The following CLASP1 variants were observed in gnomAD, a reference collection of about 807,000 sequenced individuals.
CLASP1 encodes CLIP-associating protein 1.
CLASP1 carries 38 observed loss-of-function variants against 192.3 expected under a neutral mutation model. That is an observed-to-expected ratio of 0.20 (90% CI 0.15 to 0.26). The LOEUF is 0.26. CLASP1 is among the 10% of genes least tolerant of loss of function. CLASP1 has a pLI of 1.00. For synonymous variants in CLASP1, 691 were observed against 712.8 expected (o/e 0.97, Z 0.49); for missense variants, 1,433 against 1,932.5 (o/e 0.74, Z 4.85).
intron 2 of CLASP1, among the ~76,000 whole-genome samples, chr2:121,533,742 C>T (rs555106414): frequency 5.3e-5 from 8 of 152,272 alleles, no homozygotes; most frequent in South Asian, 4.1e-4. Context: ...TAATTATCTA[C>T]GTTTGTGCTT....
intron 22 of CLASP1, among the ~76,000 whole-genome samples, chr2:121,424,912 C>G (rs1335451117): frequency 6.6e-6 from 1 of 152,164 alleles, no homozygotes; most frequent in Non-Finnish European, 1.5e-5. Flanking sequence ...AACACAAAAG[C>G]CTACAATGAC....
chr2:121,620,753 G>A (rs567157864), intron 1 of CLASP1, among the ~76,000 whole-genome samples: 2 of 152,052 alleles, frequency 1.3e-5, no homozygotes, highest in Non-Finnish European at 2.9e-5. Context: ...TCTTTTTACT[G>A]TTGATTTTAA....
intron 6 of CLASP1, among the ~76,000 whole-genome samples, chr2:121,522,267 T>C (rs565969822): frequency 6.6e-6 from 1 of 152,312 alleles, no homozygotes; most frequent in African/African-American, 2.4e-5. Context: ...TACTGAAAGC[T>C]GCCCGTAGAG....
At chr2:121,565,873 G>T (rs1342644181) in intron 2 of CLASP1, among the ~76,000 whole-genome samples, 1 of 152,234 alleles carries the variant, frequency 6.6e-6, no homozygotes, top group African/African-American at 2.4e-5. Context: ...GCATCAGTTT[G>T]CTGTAGTTAT....
At chr2:121,530,574 C>G in intron 2 of CLASP1, 1 of 534,056 alleles carries the variant, frequency 1.9e-6, no homozygotes, top group Non-Finnish European at 3.4e-6. Context: ...CGTAGCCAAA[C>G]CCGGGTTAGC....
At chr2:121,473,984 T>C (rs1309082282) in intron 8 of CLASP1, among the ~76,000 whole-genome samples, 1 of 152,296 alleles carries the variant, frequency 6.6e-6, no homozygotes, top group Non-Finnish European at 1.5e-5. Flanking sequence ...AGTTGGAAAC[T>C]TGGATTTAGA....
At chr2:121,640,449 T>C (rs1269021643) in intron 1 of CLASP1, among the ~76,000 whole-genome samples, 1 of 152,222 alleles carries the variant, frequency 6.6e-6, no homozygotes, top group Non-Finnish European at 1.5e-5. Context: ...AAAAAAACTT[T>C]ATCAGGTCTT....
chr2:121,474,779 G>A (rs1392382544), intron 8 of CLASP1, among the ~76,000 whole-genome samples: 1 of 152,168 alleles, frequency 6.6e-6, no homozygotes, highest in Non-Finnish European at 1.5e-5. Flanking sequence ...AGCAGCCAAT[G>A]TAGGGCTTTT....
At chr2:121,507,568 G>A (rs762737965) in intron 7 of CLASP1, among the ~76,000 whole-genome samples, 8 of 152,134 alleles carry the variant, frequency 5.3e-5, no homozygotes, top group Non-Finnish European at 7.4e-5. Context: ...AGTTGTTATC[G>A]TTGCCTCAGG....
chr2:121,344,936 T>C (rs1213108589), intron 39 of CLASP1, among the ~76,000 whole-genome samples: 2 of 152,092 alleles, frequency 1.3e-5, no homozygotes, highest in Admixed American at 1.3e-4. Context: ...GGCAGGAGGA[T>C]CACCTGAGGT....
intron 1 of CLASP1, among the ~76,000 whole-genome samples, chr2:121,609,069 C>T (rs955391192): frequency 6.6e-6 from 1 of 152,134 alleles, no homozygotes; most frequent in African/African-American, 2.4e-5. Context: ...AATGAGTTTC[C>T]TTTCCCCACC....
chr2:121,411,778 C>T (rs1257068572), intron 23 of CLASP1, among the ~76,000 whole-genome samples: 1 of 152,068 alleles, frequency 6.6e-6, no homozygotes, highest in East Asian at 1.9e-4. Flanking sequence ...ATCAGCTGAC[C>T]AACCTTCCTT....
At chr2:121,448,897 A>G (rs2084890705) in intron 17 of CLASP1, 56 bp downstream of exon 17, 2 of 1,555,286 alleles carry the variant, frequency 1.3e-6, no homozygotes, top group Non-Finnish European at 1.8e-6. Context: ...TTTTCATGTG[A>G]CAAACTTTTA....
chr2:121,418,886 C>T, intron 22 of CLASP1, among the ~76,000 whole-genome samples, 157 bp from the exon 23 acceptor site: 1 of 152,184 alleles, frequency 6.6e-6, no homozygotes, highest in Admixed American at 6.5e-5. Context: ...TGAGGTCTCA[C>T]TGACTGACGT....
At chr2:121,470,424 A>C in intron 8 of CLASP1, 1 of 423,194 alleles carries the variant, frequency 2.4e-6, no homozygotes, top group Non-Finnish European at 4.6e-6. Context: ...ACACACTTTA[A>C]ACTAACAGCT....
intron 23 of CLASP1, among the ~76,000 whole-genome samples, chr2:121,417,460 A>AAC (rs1167925694): frequency 6.6e-6 from 1 of 152,128 alleles, no homozygotes; most frequent in East Asian, 1.9e-4. Flanking sequence ...TTCAGAAAAA[A>AAC]AAAAAAAATC....
chr2:121,544,111 AC>A (rs1559570286), intron 2 of CLASP1, among the ~76,000 whole-genome samples: 2 of 152,182 alleles, frequency 1.3e-5, no homozygotes, highest in African/African-American at 4.8e-5. Flanking sequence ...TTATAATGAC[AC>A]CCAAGTCAAA....
chr2:121,444,865 C>T, intron 19 of CLASP1: 1 of 994,720 alleles, frequency 1.0e-6, no homozygotes, highest in Middle Eastern at 2.4e-4. Context: ...CAAGTGGGTA[C>T]TGGGCAACAC....
intron 4 of CLASP1, among the ~76,000 whole-genome samples, chr2:121,528,333 G>A (rs1051590335): frequency 6.6e-6 from 1 of 152,132 alleles, no homozygotes; most frequent in African/African-American, 2.4e-5. Context: ...AGGGGCCAGG[G>A]CTCCAGCCAG....
Sources: gnomAD v4.1 joint callset for allele counts (sites outside exome capture counted in the v4.1 genomes callset) on GRCh38, gnomAD v4.1.1 for gene constraint, MANE v1.5 for transcripts, NCBI Gene and HGNC (gene_info 2026-07-23, HGNC 2026-07-21) for gene names.